Variants in ABHD12 observed in about 807,000 individuals in gnomAD.
ABHD12 encodes the protein lysophosphatidylserine lipase ABHD12.
ABHD12 carries 43 observed loss-of-function variants against 58.3 expected under a neutral mutation model. The observed-to-expected ratio is 0.74, with a 90% CI of 0.58 to 0.95. The LOEUF is 0.95. Ranked by LOEUF, ABHD12 falls within the 40% of genes least tolerant of loss-of-function variation. The pLI is 0.00. For synonymous variants in ABHD12, 219 were observed against 211.2 expected (o/e 1.04, Z -0.32); for missense variants, 539 against 537.2 (o/e 1.00, Z -0.03).
intron 1 of ABHD12, among the ~76,000 whole-genome samples, chr20:25,341,132 A>G (rs1271806065): frequency 6.6e-6 from 1 of 152,216 alleles, no homozygotes; most frequent in Non-Finnish European, 1.5e-5. Context: ...AGCGCCTGGC[A>G]CTCTGAAGTG....
intron 1 of ABHD12, among the ~76,000 whole-genome samples, chr20:25,364,129 G>A (rs752785174): frequency 2.0e-5 from 3 of 152,264 alleles, no homozygotes; most frequent in Non-Finnish European, 2.9e-5. Context: ...TCAGCCTTCC[G>A]GGTCAAGGCC....
intron 1 of ABHD12, among the ~76,000 whole-genome samples, chr20:25,342,576 T>C (rs746997960): frequency 3.3e-5 from 5 of 152,090 alleles, no homozygotes; most frequent in Non-Finnish European, 7.4e-5. Flanking sequence ...TGGGTCAGTA[T>C]TTTTTACCGG....
chr20:25,355,836 C>A (rs892410186), intron 1 of ABHD12, among the ~76,000 whole-genome samples: 1 of 151,362 alleles, frequency 6.6e-6, no homozygotes, highest in Admixed American at 6.6e-5. Context: ...GGATTACAGG[C>A]GTGAGCCACT....
downstream of ABHD12, chr20:25,296,312 T>C (rs540727679): frequency 5.9e-5 from 95 of 1,598,554 alleles, no homozygotes; most frequent in African/African-American, 1.2e-3. Context: ...GAATCCCATG[T>C]TTTTAGCAGC....
At chr20:25,386,723 A>G (rs960034603) in intron 1 of ABHD12, among the ~76,000 whole-genome samples, 2 of 152,036 alleles carry the variant, frequency 1.3e-5, no homozygotes, top group Non-Finnish European at 2.9e-5. Context: ...TCCATTAAAA[A>G]TACAAAAATT....
At chr20:25,331,274 G>A (rs2089270471) in intron 2 of ABHD12, among the ~76,000 whole-genome samples, 1 of 152,122 alleles carries the variant, frequency 6.6e-6, no homozygotes, top group African/African-American at 2.4e-5. Context: ...AAAAAGAAAC[G>A]AGTAAAGCCT....
chr20:25,312,213 C>T (rs991281263), intron 6 of ABHD12, among the ~76,000 whole-genome samples: 111 of 152,188 alleles, frequency 7.3e-4, no homozygotes, highest in Middle Eastern at 3.4e-3. Flanking sequence ...TTTCCACGGT[C>T]TCTCTCTGAT....
intron 1 of ABHD12, chr20:25,368,682 A>G: frequency 7.3e-7 from 1 of 1,369,094 alleles, no homozygotes; most frequent in Non-Finnish European, 1.0e-6. Context: ...CTGTCTTTGG[A>G]ATCTTGTCTG....
intron 7 of ABHD12, among the ~76,000 whole-genome samples, chr20:25,309,225 C>A (rs559891741): frequency 6.6e-6 from 1 of 152,258 alleles, no homozygotes; most frequent in East Asian, 1.9e-4. Context: ...ACCTCCACTG[C>A]CTATGTCTGT....
chr20:25,390,477 G>GGGGGGGGGCCCCCCCC, intron 1 of ABHD12, 36 bp downstream of exon 1: 1 of 98,528 alleles, frequency 1.0e-5, no homozygotes, highest in Non-Finnish European at 1.3e-5. Context: ...TGAGGGACCG[G>GGGGGGGGGCCCCCCCC]CCCCCCCCCC....
At chr20:25,330,472 G>A (rs2089253497) in intron 2 of ABHD12, among the ~76,000 whole-genome samples, 1 of 152,254 alleles carries the variant, frequency 6.6e-6, no homozygotes, top group Non-Finnish European at 1.5e-5. Flanking sequence ...ACAGCTCAAG[G>A]AGGTCTGCCT....
chr20:25,386,868 G>A (rs998424666), intron 1 of ABHD12, among the ~76,000 whole-genome samples: 1 of 151,778 alleles, frequency 6.6e-6, no homozygotes, highest in South Asian at 2.1e-4. Flanking sequence ...GCAACAGAGT[G>A]AAACCCCGCC....
At chr20:25,377,463 T>C (rs530625237) in intron 1 of ABHD12, among the ~76,000 whole-genome samples, 4 of 152,282 alleles carry the variant, frequency 2.6e-5, no homozygotes, top group African/African-American at 9.6e-5. Context: ...CAAGGGGCCA[T>C]ATCTGGTGAG....
intron 7 of ABHD12, 76 bp from the exon 8 acceptor site, chr20:25,308,570 T>C: frequency 1.3e-6 from 2 of 1,519,462 alleles, no homozygotes; most frequent in East Asian, 4.9e-5. Context: ...TGCTGGAAAG[T>C]GCTCAGAGGA....
chr20:25,323,527 A>G, intron 2 of ABHD12, 97 bp from the exon 3 acceptor site: 2 of 797,002 alleles, frequency 2.5e-6, no homozygotes, highest in Non-Finnish European at 4.5e-6. Context: ...ACAGATATGC[A>G]TCCACACGTG....
At chr20:25,319,622 G>A (rs1375709708) in intron 4 of ABHD12, among the ~76,000 whole-genome samples, 2 of 152,156 alleles carry the variant, frequency 1.3e-5, no homozygotes, top group Admixed American at 6.5e-5. Flanking sequence ...CAGGCAGCAT[G>A]ACAGATATAG....
At chr20:25,330,109 C>T (rs1307837618) in intron 2 of ABHD12, among the ~76,000 whole-genome samples, 2 of 152,264 alleles carry the variant, frequency 1.3e-5, no homozygotes, top group Non-Finnish European at 2.9e-5. Flanking sequence ...GGTACGCGCA[C>T]CGTGCGCAAG....
At chr20:25,358,639 A>T (rs938400920) in intron 1 of ABHD12, among the ~76,000 whole-genome samples, 38 of 152,224 alleles carry the variant, frequency 2.5e-4, no homozygotes, top group Non-Finnish European at 4.7e-4. Context: ...TACAAACTCC[A>T]CATCTGCAGG....
At chr20:25,365,964 C>T (rs1028718677) in intron 1 of ABHD12, among the ~76,000 whole-genome samples, 2 of 152,114 alleles carry the variant, frequency 1.3e-5, no homozygotes, top group East Asian at 1.9e-4. Context: ...TGCTTGAGCC[C>T]GGGAGGTCAA....
Sources: allele counts gnomAD v4.1 joint callset (sites outside exome capture counted in the v4.1 genomes callset), GRCh38; gene constraint gnomAD v4.1.1; transcripts MANE v1.5; gene names NCBI Gene and HGNC (gene_info 2026-07-23, HGNC 2026-07-21).